Variants in CADM2 observed in about 807,000 individuals in gnomAD.
CADM2 encodes the protein cell adhesion molecule 2.
In CADM2, 12 loss-of-function variants were observed where a neutral mutation model predicts 49.8. The ratio of observed to expected loss-of-function variants is 0.24; its 90% CI spans 0.15 to 0.39. The LOEUF is 0.39. Ranked by LOEUF, CADM2 falls within the 10% of genes least tolerant of loss-of-function variation. The pLI is 1.00. For missense variants in CADM2, 378 were observed against 492.3 expected (o/e 0.77, Z 2.20); for synonymous variants, 214 against 175.4 (o/e 1.22, Z -1.74).
At chr3:85,134,492 G>A (rs1278994099) in intron 1 of CADM2, among the ~76,000 whole-genome samples, 1 of 152,226 alleles carries the variant, frequency 6.6e-6, no homozygotes, top group African/African-American at 2.4e-5. Flanking sequence ...ACATAAATTG[G>A]TAAGTAGCTA....
chr3:85,156,815 C>T (rs1277856729), intron 1 of CADM2, among the ~76,000 whole-genome samples: 1 of 152,164 alleles, frequency 6.6e-6, no homozygotes, highest in Admixed American at 6.5e-5. Context: ...TCCTATTCAA[C>T]ATAGTGTTGG....
intron 1 of CADM2, among the ~76,000 whole-genome samples, chr3:85,213,499 T>C (rs552668448): frequency 6.6e-6 from 1 of 152,288 alleles, no homozygotes; most frequent in South Asian, 2.1e-4. Flanking sequence ...GAATCCTTTC[T>C]TCATCCTTGA....
chr3:85,550,920 T>C (rs1374137604), intron 1 of CADM2, among the ~76,000 whole-genome samples: 1 of 152,206 alleles, frequency 6.6e-6, no homozygotes, highest in Admixed American at 6.5e-5. Flanking sequence ...TCGTATTTTT[T>C]ACTTCTTTAC....
intron 1 of CADM2, among the ~76,000 whole-genome samples, chr3:85,615,262 AAAGG>A (rs1470929267): frequency 1.3e-5 from 2 of 151,930 alleles, no homozygotes; most frequent in African/African-American, 2.4e-5. Flanking sequence ...AAAGAAAGAA[AAAGG>A]AAGGAAGGAA....
intron 1 of CADM2, among the ~76,000 whole-genome samples, chr3:85,071,548 C>A (rs2036744922): frequency 6.6e-6 from 1 of 152,054 alleles, no homozygotes; most frequent in African/African-American, 2.4e-5. Flanking sequence ...AAAAATACAA[C>A]CTTGAGAATT....
intron 3 of CADM2, among the ~76,000 whole-genome samples, chr3:85,804,667 A>C (rs1349711241): frequency 1.3e-5 from 2 of 152,188 alleles, no homozygotes; most frequent in Non-Finnish European, 2.9e-5. Flanking sequence ...TAGTGATTCT[A>C]TAAGTTATCC....
chr3:85,819,496 A>C (rs187779128), intron 3 of CADM2, among the ~76,000 whole-genome samples: 1 of 152,150 alleles, frequency 6.6e-6, no homozygotes, highest in East Asian at 1.9e-4. Context: ...CTAATTCCCG[A>C]TTTTCAAACT....
intron 1 of CADM2, among the ~76,000 whole-genome samples, chr3:85,321,121 T>C (rs1382264389): frequency 5.1e-4 from 4 of 7,774 alleles, no homozygotes; most frequent in African/African-American, 2.9e-3. Flanking sequence ...TATATATTTT[T>C]TTTTTTTTTT....
chr3:85,136,802 AT>A (rs1445225503), intron 1 of CADM2, among the ~76,000 whole-genome samples: 1 of 151,966 alleles, frequency 6.6e-6, no homozygotes, highest in Non-Finnish European at 1.5e-5. Flanking sequence ...AACCCACTCT[AT>A]TTTAAGTACA....
At chr3:85,870,001 G>A (rs1484370834) in intron 3 of CADM2, among the ~76,000 whole-genome samples, 1 of 152,068 alleles carries the variant, frequency 6.6e-6, no homozygotes, top group African/African-American at 2.4e-5. Flanking sequence ...GAACCTTCTC[G>A]AATATAATCT....
At chr3:85,104,369 G>A (rs552222207) in intron 1 of CADM2, among the ~76,000 whole-genome samples, 360 of 151,764 alleles carry the variant, frequency 2.4e-3, no homozygotes, top group Middle Eastern at 0.014. Context: ...GATATGCGGC[G>A]TTATTTCTGA....
intron 1 of CADM2, among the ~76,000 whole-genome samples, chr3:85,297,800 T>C (rs2044002112): frequency 6.6e-6 from 1 of 152,050 alleles, no homozygotes; most frequent in Non-Finnish European, 1.5e-5. Flanking sequence ...TTTATTTGCA[T>C]AATTTTGAAC....
At chr3:85,199,370 T>TGTGTGAGAGAGAGAGAGAGAGA (rs1553694531) in intron 1 of CADM2, among the ~76,000 whole-genome samples, 3 of 140,166 alleles carry the variant, frequency 2.1e-5, no homozygotes, top group Non-Finnish European at 3.1e-5. Flanking sequence ...TGTGTGTGTA[T>TGTGTGAGAGAGAGAGAGAGAGA]GAGAGAGAGA....
intron 1 of CADM2, among the ~76,000 whole-genome samples, chr3:85,578,714 G>C (rs1421858786): frequency 6.6e-6 from 1 of 152,132 alleles, no homozygotes; most frequent in African/African-American, 2.4e-5. Context: ...TTATTCTTTT[G>C]CATCTATGAA....
intron 1 of CADM2, among the ~76,000 whole-genome samples, chr3:85,721,634 G>C (rs996593791): frequency 1.3e-5 from 2 of 152,178 alleles, no homozygotes; most frequent in African/African-American, 4.8e-5. Context: ...AGCTGGACCA[G>C]GTGCACTGCA....
chr3:85,410,927 C>T (rs1215546905), intron 1 of CADM2, among the ~76,000 whole-genome samples: 5 of 152,142 alleles, frequency 3.3e-5, no homozygotes, highest in Non-Finnish European at 7.3e-5. Context: ...ACTGGTGGAA[C>T]GGTTTACTTC....
intron 1 of CADM2, among the ~76,000 whole-genome samples, chr3:85,070,088 T>C (rs538887431): frequency 6.6e-6 from 1 of 152,148 alleles, no homozygotes; most frequent in South Asian, 2.1e-4. Context: ...TTTCTGAAAG[T>C]ATTTTAGTTA....
chr3:85,522,924 ACAATGTAATTTTATAGC>A (rs1288441829), intron 1 of CADM2, among the ~76,000 whole-genome samples: 1 of 151,748 alleles, frequency 6.6e-6, no homozygotes, highest in African/African-American at 2.4e-5. Context: ...TGAAAGAAAC[ACAATGTAATTTTATAGC>A]CCAGCTGCTA....
intron 1 of CADM2, among the ~76,000 whole-genome samples, chr3:85,244,182 G>A (rs1053153105): frequency 1.3e-5 from 2 of 151,988 alleles, no homozygotes; most frequent in African/African-American, 2.4e-5. Context: ...TGGGTACATG[G>A]CTAATCATGC....
Sources: gnomAD v4.1 joint callset for allele counts (sites outside exome capture counted in the v4.1 genomes callset) on GRCh38, gnomAD v4.1.1 for gene constraint, MANE v1.5 for transcripts, NCBI Gene and HGNC (gene_info 2026-07-23, HGNC 2026-07-21) for gene names.